Variants in ANKS1B observed in about 807,000 individuals in gnomAD.
The protein encoded by ANKS1B is ankyrin repeat and sterile alpha motif domain-containing protein 1B.
Under a neutral mutation model 148.3 loss-of-function variants are expected in ANKS1B, and 36 were observed. That is an observed-to-expected ratio of 0.24 (90% confidence interval 0.19 to 0.32). The LOEUF is 0.32. Among genes scored for constraint, ANKS1B ranks in the 10% least tolerant of loss-of-function variants. The probability of loss-of-function intolerance (pLI) is 1.00; values close to 1 mark genes in which losing one functional copy is unlikely to be tolerated. For missense variants in ANKS1B, 1,157 were observed against 1,542.6 expected (o/e 0.75, Z 4.19); for synonymous variants, 542 against 560.8 (o/e 0.97, Z 0.47).
intron 17 of ANKS1B, among the ~76,000 whole-genome samples, chr12:98,837,546 C>T (rs1033212973): frequency 2.0e-5 from 3 of 152,028 alleles, no homozygotes; most frequent in Admixed American, 6.6e-5. Context: ...AGGATAATTC[C>T]GGAAACCCCA....
At chr12:99,327,407 T>C (rs1300958767) in intron 12 of ANKS1B, among the ~76,000 whole-genome samples, 1 of 133,546 alleles carries the variant, frequency 7.5e-6, no homozygotes, top group Non-Finnish European at 1.5e-5. Context: ...ACATATTATA[T>C]ATAATTATAT....
intron 12 of ANKS1B, among the ~76,000 whole-genome samples, chr12:99,387,191 C>G (rs973287233): frequency 5.3e-5 from 8 of 152,284 alleles, no homozygotes; most frequent in African/African-American, 1.9e-4. Flanking sequence ...CTGGCATAGA[C>G]ATAATGTTTG....
At chr12:99,248,337 C>T (rs764062356) in intron 12 of ANKS1B, among the ~76,000 whole-genome samples, 7 of 152,102 alleles carry the variant, frequency 4.6e-5, no homozygotes, top group Non-Finnish European at 7.4e-5. Context: ...CTGGTTCCTG[C>T]TTGATTTTTC....
chr12:99,444,078 C>T (rs1484557598), intron 10 of ANKS1B, among the ~76,000 whole-genome samples: 1 of 151,922 alleles, frequency 6.6e-6, no homozygotes, highest in East Asian at 1.9e-4. Context: ...GATTATCCAG[C>T]ATAGCTCTTA....
intron 11 of ANKS1B, among the ~76,000 whole-genome samples, chr12:99,401,326 T>C (rs1198501938): frequency 1.4e-5 from 2 of 146,300 alleles, no homozygotes; most frequent in Admixed American, 6.8e-5. Flanking sequence ...GCATGAGCTA[T>C]AGCGCTGGCT....
intron 14 of ANKS1B, among the ~76,000 whole-genome samples, chr12:99,199,828 C>T (rs1361767889): frequency 4.6e-5 from 7 of 152,116 alleles, no homozygotes; most frequent in East Asian, 1.9e-4. Context: ...TAGAGGGACA[C>T]GTACTCAGTG....
At chr12:99,575,909 C>T (rs1056041402) in intron 9 of ANKS1B, among the ~76,000 whole-genome samples, 2 of 152,044 alleles carry the variant, frequency 1.3e-5, no homozygotes, top group Non-Finnish European at 2.9e-5. Context: ...TCAATACTAA[C>T]CTTGAATGCA....
chr12:99,653,857 TCTCA>T (rs553700143), intron 9 of ANKS1B, among the ~76,000 whole-genome samples: 157 of 152,078 alleles, frequency 1.0e-3, no homozygotes, highest in African/African-American at 3.3e-3. Context: ...AGAGACAAGG[TCTCA>T]CTATGTTGCC....
intron 11 of ANKS1B, among the ~76,000 whole-genome samples, chr12:99,435,437 G>A (rs1217753702): frequency 1.3e-5 from 2 of 152,094 alleles, no homozygotes; most frequent in Non-Finnish European, 2.9e-5. Context: ...ATCCACAGTT[G>A]CCATGATCAG....
At chr12:99,801,721 C>G (rs1453663612) in intron 4 of ANKS1B, among the ~76,000 whole-genome samples, 1 of 152,032 alleles carries the variant, frequency 6.6e-6, no homozygotes, top group Non-Finnish European at 1.5e-5. Context: ...GGAAATGGTA[C>G]AGTTGAGAAA....
chr12:99,686,179 G>A (rs1370627641), intron 8 of ANKS1B, among the ~76,000 whole-genome samples: 1 of 152,038 alleles, frequency 6.6e-6, no homozygotes, highest in Non-Finnish European at 1.5e-5. Context: ...ATTAGTCAGA[G>A]GCTGTCTCTG....
rs190240309 is a variant in ANKS1B, at chr12:99,415,918, C to T, written c.1576-16107G>A. Among the ~76,000 whole-genome samples, 181 of 152,160 alleles carry T rather than the reference C, an allele frequency of 1.2e-3. 1 individual carries two copies. Among genetic ancestry groups the T allele is most frequent in the African/African-American group, 4.1e-3 (170 of 41,516 alleles). ...CAGGATGGTCTCAATCTCCTGACCT[C>T]GTGATCCACCCACCTTGGCCTCCTA... On this transcript the variant is annotated intron_variant, in intron 11 of 26. Coordinates refer to ENST00000683438, the MANE Select transcript of ANKS1B (RefSeq NM_001352186.2).
chr12:99,205,840 A>T (rs564801765), intron 14 of ANKS1B, among the ~76,000 whole-genome samples: 1 of 152,348 alleles, frequency 6.6e-6, no homozygotes, highest in Admixed American at 6.5e-5. Flanking sequence ...TCAGAACTCC[A>T]GCTTCCAAAA....
At chr12:99,484,072 T>G (rs759079699) in intron 10 of ANKS1B, among the ~76,000 whole-genome samples, 16 of 152,072 alleles carry the variant, frequency 1.1e-4, no homozygotes, top group Non-Finnish European at 2.4e-4. Flanking sequence ...CTCTAGTCCC[T>G]TGAGATACAA....
chr12:99,906,485 T>C (rs1226167193), intron 1 of ANKS1B, among the ~76,000 whole-genome samples: 1 of 152,322 alleles, frequency 6.6e-6, no homozygotes, highest in East Asian at 1.9e-4. Flanking sequence ...TCACACCTAA[T>C]ATAACTCATT....
rs1599489876 is a variant in ANKS1B at position 99,678,284 on chromosome 12, G to A, written c.1129-23074C>T. ...TGATTCCAGGAAGATGGCAGCCTGT[G>A]TCTGTATTCTCTATTCCTTCTCCTT... On this transcript the variant is annotated intron_variant, in intron 8 of 26. Transcript: ENST00000683438. 2.0e-5 allele frequency among the ~76,000 whole-genome samples: 3 copies of A among 152,302 alleles called. No homozygotes were observed. In the East Asian group the frequency reaches 5.8e-4, roughly 29 times the overall value.
intron 10 of ANKS1B, among the ~76,000 whole-genome samples, chr12:99,454,823 G>T (rs2095818910): frequency 6.6e-6 from 1 of 152,156 alleles, no homozygotes; most frequent in African/African-American, 2.4e-5. Context: ...GCCTTGGCTA[G>T]CAAGACTGAA....
At chr12:98,916,080 T>C (rs1567764659) in intron 17 of ANKS1B, among the ~76,000 whole-genome samples, 1 of 152,232 alleles carries the variant, frequency 6.6e-6, no homozygotes. Flanking sequence ...TATTGACGTA[T>C]GTTTGTTAAG....
At chr12:99,517,124 T>C (rs1447156923) in intron 9 of ANKS1B, among the ~76,000 whole-genome samples, 1 of 152,164 alleles carries the variant, frequency 6.6e-6, no homozygotes, top group Non-Finnish European at 1.5e-5. Context: ...ATTTCAACAA[T>C]ACTGATTTTA....
Sources: allele counts gnomAD v4.1 joint callset (sites outside exome capture counted in the v4.1 genomes callset), GRCh38; gene constraint gnomAD v4.1.1; transcripts MANE v1.5; gene names NCBI Gene and HGNC (gene_info 2026-07-23, HGNC 2026-07-21).